The following MEGF6 variants were observed in gnomAD, a reference collection of about 807,000 sequenced individuals.
MEGF6 encodes the protein multiple EGF like domains 6.
MEGF6 carries 184 observed loss-of-function variants against 207.1 expected under a neutral mutation model. The ratio of observed to expected loss-of-function variants is 0.89; its 90% CI spans 0.79 to 1.00. The LOEUF is 1.00. Among genes scored for constraint, MEGF6 ranks in the 50% least tolerant of loss-of-function variants. MEGF6 has a pLI of 0.00. For missense variants in MEGF6, 2,282 were observed against 2,202.9 expected (o/e 1.04, Z -0.72); for synonymous variants, 1,038 against 910.0 (o/e 1.14, Z -2.53).
chr1:3,529,447 C>T (rs79382430), intron 4 of MEGF6, among the ~76,000 whole-genome samples: 4,300 of 152,336 alleles, frequency 0.028, 204 homozygotes, highest in African/African-American at 0.098. Context: ...CAGACAGCTG[C>T]GACATGAACC....
intron 34 of MEGF6, chr1:3,493,498 C>T: frequency 1.9e-6 from 1 of 530,538 alleles, no homozygotes; most frequent in Admixed American, 3.6e-5. Context: ...TTCCACCCAA[C>T]CAGAGCCCCC....
intron 4 of MEGF6, among the ~76,000 whole-genome samples, chr1:3,527,267 C>G (rs913672835): frequency 6.6e-5 from 10 of 152,254 alleles, no homozygotes; most frequent in Non-Finnish European, 1.2e-4. Flanking sequence ...TAGCTGTCTC[C>G]AAGCCTGAGT....
the MEGF6 span, among the ~76,000 whole-genome samples, chr1:3,618,483 T>C: frequency 6.6e-6 from 1 of 151,962 alleles, no homozygotes; most frequent in African/African-American, 2.4e-5. This position sits in a 1 kb window ranked among gnomAD's most constrained non-coding sequence, Gnocchi z 4.7. Context: ...CCTGCTGGGG[T>C]GCAGAGGTGG....
intron 4 of MEGF6, among the ~76,000 whole-genome samples, chr1:3,569,716 C>G (rs1395432791): frequency 1.3e-5 from 2 of 152,236 alleles, no homozygotes; most frequent in Non-Finnish European, 2.9e-5. Context: ...GCTGCCTGGA[C>G]AGCCGTCCAT....
At chr1:3,501,669 T>G in intron 18 of MEGF6, 127 bp downstream of exon 18, 517 of 1,317,838 alleles carry the variant, frequency 3.9e-4, no homozygotes, top group Non-Finnish European at 4.7e-4. Flanking sequence ...GAGTGCACTG[T>G]GAGCTCTCAC....
chr1:3,511,716 G>T lies in MEGF6; in HGVS notation c.977-29C>A, dbSNP rs748700835. 6.3e-6 allele frequency: 10 copies of T among 1,589,504 alleles called. No individual in the cohort carries two copies. The Admixed American group carries it at 1.7e-4, about 27-fold the overall frequency. On this transcript the variant is annotated intron_variant, in intron 8 of 36. Transcript: ENST00000356575. ...CCGTGAGACCAGCCACCCAGGGTAT[G>T]GGATGGCGGCTAGGATGACCCCCAC... is the stretch of plus-strand genomic sequence containing the variant.
intron 4 of MEGF6, among the ~76,000 whole-genome samples, chr1:3,566,185 C>T (rs1643338861): frequency 6.6e-6 from 1 of 152,238 alleles, no homozygotes; most frequent in African/African-American, 2.4e-5. Flanking sequence ...AGTGATGCTG[C>T]CCAGGCCCCC....
chr1:3,496,011 C>A lies in MEGF6; in HGVS notation c.3750G>T (p.Pro1250=), dbSNP rs569639714. 2.6e-6 allele frequency: 4 copies of A among 1,526,738 alleles called. No individual in the cohort carries two copies. Among genetic ancestry groups the A allele is most frequent in the African/African-American group, 1.4e-5 (1 of 72,614 alleles). 94.6% of individuals were successfully genotyped at this position (1,526,738 alleles called of 1,614,324 possible). Residue 1250 remains proline, a synonymous_variant, in exon 30 of 37, where the codon CCG becomes CCT. Transcript: ENST00000356575. ...TGCAGTTGGGGCCGAAGCGGCCCTG[C>A]GGACAGGCTGCCGGGGAGGAAGTGG... is the stretch of plus-strand genomic sequence containing the variant. ...FLGTDCNLTC[P]QGRFGPNCTH... is the part of the protein sequence containing the mutation.
chr1:3,595,574 G>A, intron 2 of MEGF6, 127 bp from the exon 3 acceptor site: 1 of 741,364 alleles, frequency 1.3e-6, no homozygotes, highest in Non-Finnish European at 2.2e-6. Context: ...GCAGCACCAA[G>A]GTTCCTGGGT....
At chr1:3,609,352 C>G (rs1260282093) in intron 1 of MEGF6, among the ~76,000 whole-genome samples, 1 of 152,240 alleles carries the variant, frequency 6.6e-6, no homozygotes, top group African/African-American at 2.4e-5. Flanking sequence ...CCACCAACTC[C>G]GGCCCACTGC....
rs138967456 is a variant in MEGF6 at position 3,538,254 on chromosome 1, C to A, written c.482-14008G>T. Among the ~76,000 whole-genome samples, 309 of 152,314 alleles carry A rather than the reference C, an allele frequency of 2.0e-3. 3 individuals are homozygous for A. The highest frequency in any genetic ancestry group is 7.1e-3 in the African/African-American group (296 of 41,560). ...TGCCTCCCTGCGGAGACAGAGCAGA[C>A]CGGCCTCCCCAGCGTTCCTCGCACC... On this transcript the variant is annotated intron_variant, in intron 4 of 36. Transcript: ENST00000356575.
At chr1:3,588,695 G>A (rs1643932824) in intron 3 of MEGF6, among the ~76,000 whole-genome samples, 1 of 152,022 alleles carries the variant, frequency 6.6e-6, no homozygotes, top group Non-Finnish European at 1.5e-5. Flanking sequence ...CCAAGGTCCT[G>A]CAGCCCCAGC....
chr1:3,561,781 C>A (rs1320850074), intron 4 of MEGF6, among the ~76,000 whole-genome samples: 1 of 152,258 alleles, frequency 6.6e-6, no homozygotes, highest in Non-Finnish European at 1.5e-5. Flanking sequence ...TCTGACTTCG[C>A]TCTCCTGACT....
chr1:3,531,023 G>A (rs1642142458), intron 4 of MEGF6: 2 of 1,432,074 alleles, frequency 1.4e-6, no homozygotes, highest in Admixed American at 3.2e-5. Context: ...AACAAAGGGA[G>A]CGCGCCGGGG....
Position 3,505,540 on chromosome 1 carries a change from G to A in MEGF6, c.1935C>T (p.Ala645=). The stretch of plus-strand genomic sequence containing the variant: ...ACTCCTCCGAGCAGCCCGGCCCAAA[G>A]GCCCACGGCGGGCAGGCTGCACCCA... ...RFCHLTCPPW[A]FGPGCSEECQ... Residue 645 remains alanine (A), a synonymous_variant, in exon 16 of 37, where the codon GCC becomes GCT. Transcript: ENST00000356575. The A allele has an allele frequency of 1.3e-6, 2 of 1,585,774 alleles. No individual in the cohort carries two copies. The highest frequency in any genetic ancestry group is 8.6e-7 in the Non-Finnish European group (1 of 1,168,944).
chr1:3,554,131 C>G (rs970253839), intron 4 of MEGF6, among the ~76,000 whole-genome samples: 1 of 152,136 alleles, frequency 6.6e-6, no homozygotes, highest in Non-Finnish European at 1.5e-5. Context: ...GGGAAGAGCA[C>G]ATGCGCCCCA....
intron 4 of MEGF6, among the ~76,000 whole-genome samples, chr1:3,574,487 C>A (rs527258468): frequency 4.6e-5 from 7 of 150,818 alleles, no homozygotes; most frequent in African/African-American, 1.7e-4. Context: ...CACTGGAACC[C>A]TGACCACTCA....
In MEGF6 at chr1:3,556,338, G is replaced by C. The variant is rs998871944; in HGVS notation, c.481+23487C>G. Among the ~76,000 whole-genome samples, 7 of 152,222 alleles carry C rather than the reference G, an allele frequency of 4.6e-5. No individual in the cohort carries two copies. The highest frequency in any genetic ancestry group is 3.3e-4 in the Admixed American group (5 of 15,292). On this transcript the variant is annotated intron_variant, in intron 4 of 36. Transcript: ENST00000356575. This position sits in a 1 kb window ranked among gnomAD's most constrained non-coding sequence, Gnocchi z 4.4. ...ACAAAGACACCCCCATGAGCTCCCA[G>C]AGGTGACAACGTCACACTCATTACA...
At chr1:3,511,791 G>A in intron 8 of MEGF6, 104 bp from the exon 9 acceptor site, 1 of 1,513,198 alleles carries the variant, frequency 6.6e-7, no homozygotes, top group Non-Finnish European at 8.9e-7. Context: ...CGGGCCTGGG[G>A]ACACCCGTGG....
Sources: allele counts gnomAD v4.1 joint callset (sites outside exome capture counted in the v4.1 genomes callset), GRCh38; gene constraint gnomAD v4.1.1; non-coding constraint Gnocchi (gnomAD v3.1); transcripts MANE v1.5; gene names NCBI Gene and HGNC (gene_info 2026-07-23, HGNC 2026-07-21).